Variants in ZNF730 observed in about 807,000 individuals in gnomAD.
ZNF730 encodes putative zinc finger protein 730.
A neutral mutation model predicts 12.6 loss-of-function variants in ZNF730; 12 were observed. That is an observed-to-expected ratio of 0.95 (90% CI 0.61 to 1.54). The LOEUF is 1.54. ZNF730 is among the 40% of genes most tolerant of loss of function. ZNF730 has a pLI of 0.00. For missense variants in ZNF730, 643 were observed against 583.5 expected, an observed-to-expected ratio of 1.10 and a Z score of -1.05; for synonymous variants, 194 against 195.8, an observed-to-expected ratio of 0.99 and a Z score of 0.08.
chr19:23,126,397 C>T (rs916077696), intron 1 of ZNF730, among the ~76,000 whole-genome samples: 1 of 152,346 alleles, frequency 6.6e-6, no homozygotes, highest in Non-Finnish European at 1.5e-5. Flanking sequence ...ACCACACAGA[C>T]TGGCATCGCC....
intron 1 of ZNF730, chr19:23,126,498 A>G: frequency 2.7e-6 from 1 of 376,824 alleles, no homozygotes; most frequent in Non-Finnish European, 5.4e-6. Flanking sequence ...ATAAATGCGT[A>G]ACATCATTAA....
chr19:23,080,193 C>T lies in ZNF730; in HGVS notation c.-94+4806C>T, dbSNP rs376151665. Among the ~76,000 whole-genome samples, 4 of 152,124 alleles carry T rather than the reference C, an allele frequency of 2.6e-5. No individual in the cohort carries two copies. The South Asian group carries it at 8.3e-4, about 32-fold the overall frequency. ...CCTATTTCAAAAGACTGAATAATAT[C>T]CTGTTGTATATATGTGCCGCATTCG... is the stretch of plus-strand genomic sequence containing the variant. On this transcript the variant is annotated intron_variant, in intron 1 of 2. Coordinates refer to the ZNF730 transcript ENST00000593635.
chr19:23,101,870 G>A (rs924619656), intron 1 of ZNF730, among the ~76,000 whole-genome samples: 7 of 152,116 alleles, frequency 4.6e-5, no homozygotes, highest in African/African-American at 7.2e-5. Flanking sequence ...GCCCGGCCTC[G>A]CTGGGCCTTT....
rs187809234 is a variant in ZNF730, at chr19:23,093,294, A to G, written c.-94+17907A>G. 3.9e-3 allele frequency among the ~76,000 whole-genome samples: 592 copies of G among 152,340 alleles called. 9 individuals are homozygous for G. The highest frequency in any genetic ancestry group is 4.0e-3 in the Admixed American group (62 of 15,310). On this transcript the variant is annotated intron_variant, in intron 1 of 2. Coordinates refer to the ZNF730 transcript ENST00000593635. ...CCCAGCCTGTCGTTAATTTTTTGAA[A>G]GAATTTCAGTAGAAACTGTACCAGC...
At chr19:23,089,673 G>T (rs1227571519) in intron 1 of ZNF730, among the ~76,000 whole-genome samples, 3 of 152,176 alleles carry the variant, frequency 2.0e-5, no homozygotes, top group Non-Finnish European at 4.4e-5. Flanking sequence ...ATGTGGAATT[G>T]TAAGTCCAAT....
In ZNF730 at chr19:23,145,490, A is replaced by G; in HGVS notation, c.446A>G (p.Lys149Arg). 3 of 1,565,380 alleles carry G rather than the reference A, an allele frequency of 1.9e-6. No individual in the cohort carries two copies. Among genetic ancestry groups the G allele is most frequent in the Non-Finnish European group, 2.6e-6 (3 of 1,155,994 alleles). The change falls in exon 4 of 4, where the codon AAA (lysine) becomes AGA (arginine). Residue 149 changes from lysine (K) to arginine (R), a missense_variant. Physicochemically the swap from Lys to Arg is conservative, Grantham distance 26. Coordinates refer to ENST00000597761, the MANE Select transcript of ZNF730 (RefSeq NM_001277403.2). The part of the protein sequence containing the change: ...TSHSKIFQCD[K>R]YVKVFHKFSN... The stretch of plus-strand genomic sequence containing the variant: ...CATAGCAAAATATTTCAGTGTGACA[A>G]ATATGTGAAAGTCTTTCATAAATTT...
At chr19:23,086,809 T>G (rs1423698486) in intron 1 of ZNF730, among the ~76,000 whole-genome samples, 2 of 152,178 alleles carry the variant, frequency 1.3e-5, no homozygotes, top group African/African-American at 4.8e-5. Context: ...TTTAAAATAA[T>G]TTTTTTCTAA....
At chr19:23,105,957 C>T (rs943169954) in intron 1 of ZNF730, among the ~76,000 whole-genome samples, 3 of 152,180 alleles carry the variant, frequency 2.0e-5, no homozygotes, top group Non-Finnish European at 4.4e-5. Context: ...CTACATATTA[C>T]ATGATCCAAT....
chr19:23,117,187 C>A lies in ZNF730; in HGVS notation c.3+11C>A. On this transcript the variant is annotated intron_variant, in intron 1 of 3. Coordinates refer to ENST00000597761, the MANE Select transcript of ZNF730 (RefSeq NM_001277403.2). ...GGAAGCCTAGAAATGGTGAGAGTGC[C>A]GGTCCGACATCCCGAGAGAGGGAAC... 1.9e-6 allele frequency: 3 copies of A among 1,613,904 alleles called. No individual in the cohort carries two copies. Among genetic ancestry groups the A allele is most frequent in the South Asian group, 1.1e-5 (1 of 91,078 alleles).
rs534892868 is a variant in ZNF730, at chr19:23,142,497, C to A, written c.227-2774C>A. On this transcript the variant is annotated intron_variant, in intron 3 of 3. Transcript: ENST00000597761. ...AGGAGATTGAGACCATCCTGGCTAA[C>A]ACGGAGAAATCCCATCTCTACTAAA... Among the ~76,000 whole-genome samples the A allele has an allele frequency of 5.3e-5, 8 of 152,032 alleles. No homozygotes were observed. The South Asian group carries it at 1.7e-3, about 32-fold the overall frequency.
intron 1 of ZNF730, among the ~76,000 whole-genome samples, chr19:23,085,241 A>G (rs1180204529): frequency 6.6e-6 from 1 of 152,086 alleles, no homozygotes; most frequent in Non-Finnish European, 1.5e-5. Flanking sequence ...GATGATTTTG[A>G]TCACACATAA....
In ZNF730 at chr19:23,109,163, T is replaced by C. The variant is rs912738422; in HGVS notation, c.-93-24917T>C. On this transcript the variant is annotated intron_variant, in intron 1 of 2. Transcript: ENST00000593635. ...TTTTTGTTGAATTACATGGAAAGCATTGTCAAAAATGTTTGATCTTCAACT... is the reference window on the plus strand; with the variant it reads ...TTTTTGTTGAATTACATGGAAAGCACTGTCAAAAATGTTTGATCTTCAACT... Among the ~76,000 whole-genome samples the C allele has an allele frequency of 3.9e-5, 6 of 152,172 alleles. No individual in the cohort carries two copies. The East Asian group carries it at 9.6e-4, about 24-fold the overall frequency.
At chr19:23,078,242 T>C (rs989272336) in intron 1 of ZNF730, among the ~76,000 whole-genome samples, 1 of 150,946 alleles carries the variant, frequency 6.6e-6, no homozygotes, top group African/African-American at 2.4e-5. Flanking sequence ...TCTCCAGGCA[T>C]GTGTCTTTAT....
chr19:23,146,591 C>G lies in ZNF730; in HGVS notation c.*35C>G, dbSNP rs1345821907. 4 of 1,584,278 alleles carry G rather than the reference C, an allele frequency of 2.5e-6. No homozygotes were observed. The highest frequency in any genetic ancestry group is 1.7e-6 in the Non-Finnish European group (2 of 1,160,078). On this transcript the variant is annotated 3_prime_UTR_variant, in exon 4 of 4. Transcript: ENST00000597761. ...GACTGTGGCAAAGCTTTTAAACAAT[C>G]TTTATACCTTACTACACATAAGATA... is the stretch of plus-strand genomic sequence containing the variant.
chr19:23,132,962 TATTACAAC>T (rs762394906), intron 1 of ZNF730, among the ~76,000 whole-genome samples: 15 of 151,570 alleles, frequency 9.9e-5, no homozygotes, highest in Non-Finnish European at 1.9e-4. Flanking sequence ...GGAGGGCCAC[TATTACAAC>T]AGTGATGCTG....
At chr19:23,095,251 G>A in intron 1 of ZNF730, 1 of 396,624 alleles carries the variant, frequency 2.5e-6, no homozygotes. Flanking sequence ...TTCTGCCTTG[G>A]TTCTTCCACA....
At chr19:23,100,764 T>C (rs541925303) in intron 1 of ZNF730, among the ~76,000 whole-genome samples, 2 of 148,646 alleles carry the variant, frequency 1.3e-5, no homozygotes, top group South Asian at 4.3e-4. Context: ...CAAGCGATTC[T>C]CCTGCCTCAT....
chr19:23,105,271 C>T (rs1218390863), intron 1 of ZNF730, among the ~76,000 whole-genome samples: 1 of 152,016 alleles, frequency 6.6e-6, no homozygotes, highest in African/African-American at 2.4e-5. Flanking sequence ...TGCCCGCCAC[C>T]ATGCCCTGCT....
chr19:23,101,905 T>G (rs1970339904), intron 1 of ZNF730, among the ~76,000 whole-genome samples: 1 of 152,214 alleles, frequency 6.6e-6, no homozygotes, highest in Non-Finnish European at 1.5e-5. Context: ...GAGTTATTTT[T>G]CTTGCATTGG....
Sources: allele counts gnomAD v4.1 joint callset (sites outside exome capture counted in the v4.1 genomes callset), GRCh38; gene constraint gnomAD v4.1.1; transcripts MANE v1.5; gene names NCBI Gene and HGNC (gene_info 2026-07-23, HGNC 2026-07-21).